The following MEGF11 variants were observed in gnomAD, a reference collection of about 807,000 sequenced individuals.
MEGF11 encodes the protein multiple epidermal growth factor-like domains protein 11.
Under a neutral mutation model 146.6 loss-of-function variants are expected in MEGF11, and 126 were observed. That is an observed-to-expected ratio of 0.86 (90% CI 0.74 to 1.00). The LOEUF (loss-of-function observed/expected upper bound fraction) is 1.00. MEGF11 is among the 50% of genes least tolerant of loss of function. MEGF11 has a pLI of 0.00. For missense variants in MEGF11, 1,509 were observed against 1,521.2 expected, an observed-to-expected ratio of 0.99 and a Z score of 0.13; for synonymous variants, 532 against 583.4, an observed-to-expected ratio of 0.91 and a Z score of 1.27.
At chr15:66,031,909 C>T (rs1361013137) in intron 5 of MEGF11, among the ~76,000 whole-genome samples, 1 of 152,230 alleles carries the variant, frequency 6.6e-6, no homozygotes, top group Non-Finnish European at 1.5e-5. Context: ...CTGTTAGGAA[C>T]CAGGCCACAT....
chr15:66,081,891 G>A lies in MEGF11; in HGVS notation c.394+12511C>T, dbSNP rs535051634. On this transcript the variant is annotated intron_variant, in intron 5 of 25. Transcript: ENST00000395614. ...GGTGGGACCTGTGTCGAGTCTGTGG[G>A]AGGTAATCAGTCCCCTTAGAGGGCA... Among the ~76,000 whole-genome samples the A allele has an allele frequency of 4.6e-5, 7 of 152,278 alleles. No individual in the cohort carries two copies. The East Asian group carries it at 1.4e-3, about 29-fold the overall frequency.
chr15:66,016,260 C>G (rs1248902580), intron 5 of MEGF11, among the ~76,000 whole-genome samples: 1 of 152,100 alleles, frequency 6.6e-6, no homozygotes, highest in Admixed American at 6.6e-5. Flanking sequence ...AGAAGAGGAT[C>G]AGTTATTTGC....
chr15:65,952,111 G>A (rs2080425210), intron 10 of MEGF11, among the ~76,000 whole-genome samples: 1 of 152,116 alleles, frequency 6.6e-6, no homozygotes, highest in South Asian at 2.1e-4. Context: ...CTCTTATTGT[G>A]TAGTACATAC....
chr15:66,198,649 C>A (rs924316335), intron 1 of MEGF11, among the ~76,000 whole-genome samples: 15 of 125,646 alleles, frequency 1.2e-4, no homozygotes, highest in Admixed American at 3.2e-4. Context: ...CCACACCTGG[C>A]TAATTTTTTT....
At chr15:65,964,238 G>T (rs972250621) in intron 9 of MEGF11, among the ~76,000 whole-genome samples, 9 of 152,168 alleles carry the variant, frequency 5.9e-5, no homozygotes, top group African/African-American at 1.9e-4. Context: ...TTTGGAAGTG[G>T]GGGGTGGAGG....
chr15:66,100,467 C>T (rs1049960822), intron 4 of MEGF11, among the ~76,000 whole-genome samples: 7 of 152,184 alleles, frequency 4.6e-5, no homozygotes, highest in Admixed American at 1.3e-4. Context: ...GCCAGGCTGT[C>T]GGGACTCAGG....
chr15:66,043,111 T>C (rs1345936932), intron 5 of MEGF11, among the ~76,000 whole-genome samples: 1 of 152,232 alleles, frequency 6.6e-6, no homozygotes, highest in East Asian at 1.9e-4. Flanking sequence ...TGGTAAATAT[T>C]ATCTTCTAGA....
intron 7 of MEGF11, among the ~76,000 whole-genome samples, chr15:65,974,836 ACT>A (rs1050384420): frequency 8.4e-6 from 1 of 119,348 alleles, no homozygotes; most frequent in African/African-American, 3.0e-5. Context: ...GGATAAGGAC[ACT>A]CTTGGAAAAA....
chr15:66,182,825 A>G (rs1233839726), intron 1 of MEGF11, among the ~76,000 whole-genome samples: 3 of 152,186 alleles, frequency 2.0e-5, no homozygotes, highest in African/African-American at 7.2e-5. Flanking sequence ...AGTCTAAGAC[A>G]CTTCTTTTAC....
At chr15:66,166,384 A>G (rs1198398807) in intron 1 of MEGF11, among the ~76,000 whole-genome samples, 4 of 152,056 alleles carry the variant, frequency 2.6e-5, no homozygotes, top group African/African-American at 9.7e-5. Context: ...ATGCACCAGC[A>G]TCTGTCACCC....
intron 7 of MEGF11, among the ~76,000 whole-genome samples, chr15:65,977,172 A>AAAAAAAAAAAAT (rs2081479835): frequency 6.6e-6 from 1 of 151,320 alleles, no homozygotes; most frequent in Non-Finnish European, 1.5e-5. Flanking sequence ...GTCTCAAAAA[A>AAAAAAAAAAAAT]AAAAGAGGAT....
intron 5 of MEGF11, among the ~76,000 whole-genome samples, chr15:65,991,281 C>A (rs919589020): frequency 2.0e-5 from 3 of 152,152 alleles, no homozygotes; most frequent in African/African-American, 7.2e-5. Context: ...GCTGCATTCT[C>A]CCATGGGTTG....
At chr15:65,962,900 G>A (rs2080915122) in intron 9 of MEGF11, among the ~76,000 whole-genome samples, 1 of 152,204 alleles carries the variant, frequency 6.6e-6, no homozygotes, top group Non-Finnish European at 1.5e-5. Flanking sequence ...AACATGATAC[G>A]TTTTAAAGAC....
chr15:66,212,823 G>T (rs1269633982), intron 1 of MEGF11, among the ~76,000 whole-genome samples: 1 of 152,228 alleles, frequency 6.6e-6, no homozygotes, highest in Non-Finnish European at 1.5e-5. Flanking sequence ...AGCACCAGCA[G>T]TTGGGACTCA....
intron 5 of MEGF11, among the ~76,000 whole-genome samples, chr15:66,084,834 G>T (rs948081360): frequency 6.6e-6 from 1 of 152,206 alleles, no homozygotes; most frequent in African/African-American, 2.4e-5. Flanking sequence ...CTGCTGTGGA[G>T]ACCTCACAAG....
chr15:66,253,403 C>A (rs181202694), intron 1 of MEGF11, among the ~76,000 whole-genome samples: 1 of 152,176 alleles, frequency 6.6e-6, no homozygotes, highest in African/African-American at 2.4e-5. Context: ...CTGCAAGCCC[C>A]GGCATCCACC....
chr15:66,016,305 C>A lies in MEGF11; in HGVS notation c.395-33817G>T, dbSNP rs559133505. ...TGCAAAATAACCCTCCTCTTGAGTA[C>A]TTTTCCTGCAATATTTGTACACTGC... On this transcript the variant is annotated intron_variant, in intron 5 of 25. Transcript: ENST00000395614. 2.6e-5 allele frequency among the ~76,000 whole-genome samples: 4 copies of A among 152,228 alleles called. No individual in the cohort carries two copies. In the South Asian group the frequency reaches 8.3e-4, roughly 32 times the overall value.
chr15:66,239,849 G>C (rs2092173728), intron 1 of MEGF11, among the ~76,000 whole-genome samples: 1 of 152,194 alleles, frequency 6.6e-6, no homozygotes. Context: ...AGGTGCAAGG[G>C]AGTTAATGCT....
At chr15:65,933,579 C>T (rs573429408) in intron 10 of MEGF11, among the ~76,000 whole-genome samples, 16 of 152,348 alleles carry the variant, frequency 1.1e-4, no homozygotes, top group South Asian at 4.1e-4. Context: ...CTGGTCTTTG[C>T]GACAGTCCTG....
Sources: allele counts gnomAD v4.1 joint callset (sites outside exome capture counted in the v4.1 genomes callset), GRCh38; gene constraint gnomAD v4.1.1; transcripts MANE v1.5; gene names NCBI Gene and HGNC (gene_info 2026-07-23, HGNC 2026-07-21).